Variants in ATG7 observed in about 807,000 individuals in gnomAD.
ATG7 encodes the protein ubiquitin-like modifier-activating enzyme ATG7.
ATG7 carries 70 observed loss-of-function variants against 82.4 expected under a neutral mutation model. The ratio of observed to expected loss-of-function variants is 0.85; its 90% CI spans 0.70 to 1.04. The LOEUF is 1.04. Among genes scored for constraint, ATG7 ranks in the 50% least tolerant of loss-of-function variants. The pLI is 0.00. For synonymous variants in ATG7, 287 were observed against 313.0 expected, an observed-to-expected ratio of 0.92 and a Z score of 0.88; for missense variants, 792 against 864.3, an observed-to-expected ratio of 0.92 and a Z score of 1.05.
chr3:11,396,793 A>AG lies in ATG7; in HGVS notation c.1956+16741_1956+16742insG, dbSNP rs1553642274. ...CAAGACTCTGTCTCCAAAAAAAAAAAAAAAGAAAAGAAAAGAAAAGTATTA... is the reference window on the plus strand; with the variant it reads ...CAAGACTCTGTCTCCAAAAAAAAAAAGAAAAGAAAAGAAAAGAAAAGTATTA... On this transcript the variant is annotated intron_variant, in intron 19 of 20. Coordinates refer to ENST00000693202, the MANE Select transcript of ATG7 (RefSeq NM_001349232.2). Among the ~76,000 whole-genome samples, 363 of 143,742 alleles carry AG rather than the reference A, an allele frequency of 2.5e-3. 1 individual carries two copies. Among genetic ancestry groups the AG allele is most frequent in the African/African-American group, 7.9e-3 (308 of 39,216 alleles). 94.3% of individuals were successfully genotyped at this position (143,742 alleles called of 152,430 possible). A position where few individuals can be genotyped will look rare whatever the true frequency, so the allele number is the denominator to read the frequency against.
intron 20 of ATG7, among the ~76,000 whole-genome samples, chr3:11,475,456 G>C (rs1246490756): frequency 6.6e-6 from 1 of 152,178 alleles, no homozygotes; most frequent in African/African-American, 2.4e-5. Context: ...TCACATGGCA[G>C]GACCTGGAGT....
chr3:11,497,341 G>A lies in ATG7; in HGVS notation c.2080-57470G>A, dbSNP rs111236724. Among the ~76,000 whole-genome samples, 204 of 98,232 alleles carry A rather than the reference G, an allele frequency of 2.1e-3. 1 individual carries two copies. The highest frequency in any genetic ancestry group is 8.0e-3 in the African/African-American group (189 of 23,718). The allele number at this position is 98,232 out of a possible 152,430, so 64.4% of individuals were successfully genotyped here. A position where few individuals can be genotyped will look rare whatever the true frequency, so the allele number is the denominator to read the frequency against. ...AGCCTGGTCAACATAGTGAAACCCCGTCTGTACTAAAAATACTATATATAT... is the reference window on the plus strand; with the variant it reads ...AGCCTGGTCAACATAGTGAAACCCCATCTGTACTAAAAATACTATATATAT... On this transcript the variant is annotated intron_variant, in intron 20 of 20. Transcript: ENST00000693202.
intron 19 of ATG7, among the ~76,000 whole-genome samples, chr3:11,385,456 G>C (rs879330906): frequency 3.9e-5 from 6 of 152,262 alleles, no homozygotes; most frequent in Non-Finnish European, 5.9e-5. Context: ...TCTGTTAGCA[G>C]ACATTCATTT....
At chr3:11,558,721 G>T, downstream of ATG7, 1 of 1,614,162 alleles carries the variant, frequency 6.2e-7, no homozygotes, top group Non-Finnish European at 8.5e-7. Flanking sequence ...GGTCGTCCAC[G>T]GAGCCCGTGA....
chr3:11,369,441 A>G (rs1219121438), intron 18 of ATG7, among the ~76,000 whole-genome samples: 1 of 151,046 alleles, frequency 6.6e-6, no homozygotes, highest in Non-Finnish European at 1.5e-5. Flanking sequence ...TCCCCTCAAC[A>G]GGTAATCTGA....
downstream of ATG7, among the ~76,000 whole-genome samples, chr3:11,561,631 C>T (rs1484490972): frequency 6.6e-6 from 1 of 152,154 alleles, no homozygotes; most frequent in Non-Finnish European, 1.5e-5. Context: ...CCCAGGCCTC[C>T]AGATGGTGAG....
At chr3:11,536,905 C>T (rs1300312018) in intron 20 of ATG7, among the ~76,000 whole-genome samples, 6 of 152,166 alleles carry the variant, frequency 3.9e-5, no homozygotes, top group African/African-American at 9.7e-5. Context: ...AGCTTATTTA[C>T]GATCAGCCTG....
intron 19 of ATG7, among the ~76,000 whole-genome samples, chr3:11,389,741 C>T (rs988896055): frequency 6.6e-6 from 1 of 152,176 alleles, no homozygotes; most frequent in Non-Finnish European, 1.5e-5. Flanking sequence ...TGCAGCCTCC[C>T]ACGAGGACTA....
At chr3:11,379,888 C>A in intron 18 of ATG7, 84 bp from the exon 19 acceptor site, 1 of 1,350,826 alleles carries the variant, frequency 7.4e-7, no homozygotes, top group Non-Finnish European at 1.1e-6. Flanking sequence ...TCATTTCCTA[C>A]TTGTTGTCAG....
intron 20 of ATG7, among the ~76,000 whole-genome samples, chr3:11,533,084 C>T (rs1429365748): frequency 2.0e-5 from 3 of 152,150 alleles, no homozygotes; most frequent in South Asian, 4.2e-4. Context: ...CCCGGAGGTG[C>T]GCTGGTGCGC....
intron 17 of ATG7, 34 bp from the exon 18 acceptor site, chr3:11,364,625 T>C (rs1559475313): frequency 1.9e-6 from 3 of 1,607,640 alleles, no homozygotes; most frequent in Non-Finnish European, 2.6e-6. Flanking sequence ...AAACTTGGAT[T>C]AAATGAGCAG....
chr3:11,559,174 G>A (rs1490758110), downstream of ATG7, among the ~76,000 whole-genome samples: 2 of 152,220 alleles, frequency 1.3e-5, no homozygotes, highest in Admixed American at 6.5e-5. Context: ...CAAGTCATGC[G>A]CAACGCTAGG....
At chr3:11,391,835 G>A (rs1453628140) in intron 19 of ATG7, among the ~76,000 whole-genome samples, 1 of 152,052 alleles carries the variant, frequency 6.6e-6, no homozygotes, top group Non-Finnish European at 1.5e-5. Flanking sequence ...GAGAGCATTA[G>A]GCTCAGAGAA....
rs796416650 is a variant in ATG7, at chr3:11,428,320, T to G, written c.2079+1394T>G. ...GTGAAAGGGCTGCTGTTTGGAGAGG[T>G]GGAGCTAGTGCTGAGTATAGGAAGA... On this transcript the variant is annotated intron_variant, in intron 20 of 20. Coordinates refer to ENST00000693202, the MANE Select transcript of ATG7 (RefSeq NM_001349232.2). Among the ~76,000 whole-genome samples the G allele has an allele frequency of 6.6e-5, 10 of 152,260 alleles. 1 individual carries two copies. Among genetic ancestry groups the G allele is most frequent in the African/African-American group, 2.4e-4 (10 of 41,532 alleles).
At chr3:11,318,144 A>G (rs1949704806) in intron 9 of ATG7, among the ~76,000 whole-genome samples, 1 of 152,186 alleles carries the variant, frequency 6.6e-6, no homozygotes, top group Non-Finnish European at 1.5e-5. Context: ...GCTCTGAGGG[A>G]TTCACCAGAA....
intron 20 of ATG7, among the ~76,000 whole-genome samples, chr3:11,533,408 T>C (rs1041631141): frequency 6.6e-5 from 10 of 151,680 alleles, no homozygotes; most frequent in African/African-American, 2.2e-4. Context: ...GATTTTTAAG[T>C]GTAATTTTAA....
At chr3:11,402,881 A>G (rs1384512575) in intron 19 of ATG7, among the ~76,000 whole-genome samples, 2 of 152,236 alleles carry the variant, frequency 1.3e-5, no homozygotes, top group East Asian at 3.8e-4. Context: ...GACTTACCAG[A>G]TTAATTTATC....
rs57073881 is a variant in ATG7 at position 11,442,739 on chromosome 3, CAAAAAAAAAAAA to C, written c.2079+15834_2079+15845del. On this transcript the variant is annotated intron_variant, in intron 20 of 20. Transcript: ENST00000693202. ...GCAGCATAGTGAGACTCCATCTCTA[CAAAAAAAAAAAA>C]AAAAAAAAAAAAAAAAAAAATTAGC... is the stretch of plus-strand genomic sequence containing the variant. Among the ~76,000 whole-genome samples, 50 of 69,254 alleles carry C rather than the reference CAAAAAAAAAAAA, an allele frequency of 7.2e-4. 1 individual carries two copies. Among genetic ancestry groups the C allele is most frequent in the South Asian group, 3.4e-3 (5 of 1,484 alleles). The allele number at this position is 69,254 out of a possible 152,430, so 45.4% of individuals were successfully genotyped here. A position where few individuals can be genotyped will look rare whatever the true frequency, so the allele number is the denominator to read the frequency against.
intron 1 of ATG7, among the ~76,000 whole-genome samples, chr3:11,273,901 C>A (rs759763113): frequency 6.6e-6 from 1 of 152,074 alleles, no homozygotes; most frequent in Non-Finnish European, 1.5e-5. Context: ...GATGGCTTCC[C>A]TGAGGAAGTG....
Sources: gnomAD v4.1 joint callset for allele counts (sites outside exome capture counted in the v4.1 genomes callset) on GRCh38, gnomAD v4.1.1 for gene constraint, MANE v1.5 for transcripts, NCBI Gene and HGNC (gene_info 2026-07-23, HGNC 2026-07-21) for gene names.